Variants in IQCJ observed in about 807,000 individuals in gnomAD.
IQCJ encodes the protein IQ domain-containing protein J.
Under a neutral mutation model 11.0 loss-of-function variants are expected in IQCJ, and 9 were observed. The observed-to-expected ratio is 0.82, with a 90% CI of 0.49 to 1.43. The LOEUF is 1.43. IQCJ is among the 40% of genes most tolerant of loss of function. The pLI is 0.00. For missense variants in IQCJ, 146 were observed against 133.2 expected (o/e 1.10, Z -0.47); for synonymous variants, 55 against 51.3 (o/e 1.07, Z -0.31).
chr3:159,253,627 ACACACACACT>A (rs1199301139), intron 3 of IQCJ, among the ~76,000 whole-genome samples: 1 of 151,884 alleles, frequency 6.6e-6, no homozygotes, highest in African/African-American at 2.4e-5. Context: ...ACACACACAC[ACACACACACT>A]CACACACTCA....
chr3:159,263,597 C>G lies in IQCJ; in HGVS notation c.*866C>G, dbSNP rs938819873. The stretch of plus-strand genomic sequence containing the variant: ...AGTAATTACACAAGTATATTACTTC[C>G]AAAAATTTTTCTTTTACTTTTGGTT... On this transcript the variant is annotated 3_prime_UTR_variant, in exon 4 of 4. Coordinates refer to ENST00000397832, the MANE Select transcript of IQCJ (RefSeq NM_001042706.3). 1.0e-6 allele frequency: 1 copy of G among 984,628 alleles called. No individual in the cohort carries two copies. Among genetic ancestry groups the G allele is most frequent in the African/African-American group, 1.7e-5 (1 of 57,184 alleles). 61.0% of individuals were successfully genotyped at this position (984,628 alleles called of 1,614,324 possible). A position where few individuals can be genotyped will look rare whatever the true frequency, so the allele number is the denominator to read the frequency against.
intron 1 of IQCJ, among the ~76,000 whole-genome samples, chr3:159,194,754 A>T (rs899913918): frequency 1.3e-5 from 2 of 152,164 alleles, no homozygotes; most frequent in African/African-American, 4.8e-5. Flanking sequence ...TGAACCATGC[A>T]AGCTTCCTAG....
intron 1 of IQCJ, among the ~76,000 whole-genome samples, chr3:159,193,327 G>A (rs886302795): frequency 2.6e-5 from 4 of 152,286 alleles, no homozygotes; most frequent in Non-Finnish European, 5.9e-5. Context: ...TATATTCTAA[G>A]TACTGGTGGT....
chr3:159,185,548 T>C (rs529376071), intron 1 of IQCJ, among the ~76,000 whole-genome samples: 1 of 152,182 alleles, frequency 6.6e-6, no homozygotes, highest in Non-Finnish European at 1.5e-5. Flanking sequence ...AGAAAACTAT[T>C]ATTATCTCAT....
chr3:159,240,071 TA>T (rs747863912), intron 1 of IQCJ, among the ~76,000 whole-genome samples: 5 of 151,812 alleles, frequency 3.3e-5, no homozygotes, highest in Non-Finnish European at 5.9e-5. Flanking sequence ...GTGATATGAT[TA>T]AAAAAAATAG....
intron 1 of IQCJ, among the ~76,000 whole-genome samples, chr3:159,182,430 CAT>C (rs1220263044): frequency 6.6e-6 from 1 of 152,010 alleles, no homozygotes; most frequent in African/African-American, 2.4e-5. Flanking sequence ...TAATGAATTA[CAT>C]GTCTATCTAA....
intron 1 of IQCJ, among the ~76,000 whole-genome samples, chr3:159,196,241 T>C (rs1468428107): frequency 6.6e-6 from 1 of 152,224 alleles, no homozygotes; most frequent in African/African-American, 2.4e-5. Flanking sequence ...TTATTTTTAT[T>C]GTATCTTCTA....
chr3:159,182,861 C>T (rs530237561), intron 1 of IQCJ, among the ~76,000 whole-genome samples: 3 of 150,828 alleles, frequency 2.0e-5, no homozygotes, highest in Non-Finnish European at 4.4e-5. Context: ...CAATCTTTAA[C>T]TACCAGGCCC....
chr3:159,145,677 T>C (rs759233272), intron 1 of IQCJ, among the ~76,000 whole-genome samples: 1 of 152,158 alleles, frequency 6.6e-6, no homozygotes, highest in Non-Finnish European at 1.5e-5. Context: ...TATTTTTTCA[T>C]CTCTCCAACT....
chr3:159,265,658 C>G, downstream of IQCJ: 2 of 343,874 alleles, frequency 5.8e-6, no homozygotes, highest in East Asian at 8.8e-5. Context: ...GCTGTTACTG[C>G]CTAGACAATT....
intron 1 of IQCJ, among the ~76,000 whole-genome samples, chr3:159,212,154 G>A (rs1016368545): frequency 6.6e-6 from 1 of 151,772 alleles, no homozygotes; most frequent in African/African-American, 2.4e-5. Flanking sequence ...CTTTGTCTTC[G>A]TGTGTGCCCT....
At chr3:159,158,194 A>T (rs537325335) in intron 1 of IQCJ, among the ~76,000 whole-genome samples, 3 of 152,298 alleles carry the variant, frequency 2.0e-5, no homozygotes, top group Admixed American at 2.0e-4. Flanking sequence ...AAAAACTACA[A>T]ATCTTTTTAA....
At chr3:159,258,934 T>C (rs968242846) in intron 3 of IQCJ, among the ~76,000 whole-genome samples, 6 of 152,150 alleles carry the variant, frequency 3.9e-5, no homozygotes, top group African/African-American at 1.4e-4. Context: ...GCTTCCTGCC[T>C]GGTGTCTTCA....
intron 1 of IQCJ, among the ~76,000 whole-genome samples, chr3:159,215,841 C>T (rs1273710104): frequency 6.6e-6 from 1 of 152,016 alleles, no homozygotes; most frequent in Non-Finnish European, 1.5e-5. Flanking sequence ...TTTTCTCCTA[C>T]ATTACACTGT....
At position 159,197,322 on chromosome 3, in the gene IQCJ, C is replaced by A. The variant is rs918181908; in HGVS notation, c.10-48521C>A. Among the ~76,000 whole-genome samples, 8 of 152,288 alleles carry A rather than the reference C, an allele frequency of 5.3e-5. No homozygotes were observed. In the East Asian group the frequency reaches 5.8e-4, roughly 11 times the overall value. On this transcript the variant is annotated intron_variant, in intron 1 of 3. Coordinates refer to ENST00000397832, the MANE Select transcript of IQCJ (RefSeq NM_001042706.3). ...TCTGCTTCTTCAAAATTTCCCACAT[C>A]TGTCATTTCTCCATTGTCACTACCA...
rs1477867001 is a variant in IQCJ at position 159,222,686 on chromosome 3, C to T, written c.10-23157C>T. Among the ~76,000 whole-genome samples, 4 of 152,070 alleles carry T rather than the reference C, an allele frequency of 2.6e-5. No individual in the cohort carries two copies. In the East Asian group the frequency reaches 7.7e-4, roughly 29 times the overall value. On this transcript the variant is annotated intron_variant, in intron 1 of 3. Transcript: ENST00000397832. Reference sequence around the variant, plus strand: ...TTGCTAAGAGAGTAGGTTTTAGGTACTCTTGCCTAAAAATAAAAAAGCAAA... The same window carrying T: ...TTGCTAAGAGAGTAGGTTTTAGGTATTCTTGCCTAAAAATAAAAAAGCAAA...
chr3:159,193,361 T>C (rs760865678), intron 1 of IQCJ, among the ~76,000 whole-genome samples: 1 of 152,184 alleles, frequency 6.6e-6, no homozygotes, highest in African/African-American at 2.4e-5. Context: ...AAGGTGTTAT[T>C]TCCAATCTGA....
chr3:159,083,873 G>T (rs1372111089), intron 1 of IQCJ, among the ~76,000 whole-genome samples: 1 of 152,058 alleles, frequency 6.6e-6, no homozygotes, highest in African/African-American at 2.4e-5. Context: ...TATATAGATG[G>T]GGAACAGATT....
chr3:159,137,263 GAA>G (rs60336189), intron 1 of IQCJ, among the ~76,000 whole-genome samples: 5 of 127,090 alleles, frequency 3.9e-5, no homozygotes, highest in African/African-American at 5.5e-5. Flanking sequence ...CTCCATCTTG[GAA>G]AAAAAAAAAA....
Sources: allele counts gnomAD v4.1 joint callset (sites outside exome capture counted in the v4.1 genomes callset), GRCh38; gene constraint gnomAD v4.1.1; transcripts MANE v1.5; gene names NCBI Gene and HGNC (gene_info 2026-07-23, HGNC 2026-07-21).